DLC1: variants seen among roughly 807,000 people sequenced by gnomAD.
DLC1 encodes the protein rho GTPase-activating protein 7.
DLC1 carries 54 observed loss-of-function variants against 140.3 expected under a neutral mutation model. The ratio of observed to expected loss-of-function variants is 0.38; its 90% CI spans 0.31 to 0.48. The LOEUF is 0.48. DLC1 is among the 20% of genes least tolerant of loss of function. The pLI is 0.96. For missense variants in DLC1, 2,536 were observed against 1,907.0 expected (o/e 1.33, Z -6.14); for synonymous variants, 986 against 728.1 (o/e 1.35, Z -5.70).
At chr8:13,511,981 T>C (rs1802386778) in intron 1 of DLC1, among the ~76,000 whole-genome samples, 1 of 152,148 alleles carries the variant, frequency 6.6e-6, no homozygotes, top group Non-Finnish European at 1.5e-5. Context: ...GTGAGTTATA[T>C]GGTATGGGTA....
At chr8:13,148,578 G>C (rs551442709) in intron 5 of DLC1, among the ~76,000 whole-genome samples, 1 of 152,262 alleles carries the variant, frequency 6.6e-6, no homozygotes, top group Non-Finnish European at 1.5e-5. Flanking sequence ...TCCTGTGTAT[G>C]TGTGTGTGTC....
At chr8:13,508,698 G>A (rs1585223894) in intron 1 of DLC1, among the ~76,000 whole-genome samples, 1 of 152,102 alleles carries the variant, frequency 6.6e-6, no homozygotes, top group African/African-American at 2.4e-5. Context: ...GATTACAGGC[G>A]TGAGCCACCA....
intron 1 of DLC1, among the ~76,000 whole-genome samples, chr8:13,570,294 C>CT (rs112007896): frequency 0.22 from 26,537 of 121,716 alleles, 2,600 homozygotes; most frequent in East Asian, 0.4. Flanking sequence ...TAAATTCTCT[C>CT]TTTTTTTTTT....
intron 5 of DLC1, among the ~76,000 whole-genome samples, chr8:13,267,805 A>G (rs971749397): frequency 6.6e-6 from 1 of 152,008 alleles, no homozygotes; most frequent in African/African-American, 2.4e-5. Flanking sequence ...ACCTGAGCAC[A>G]TAAAGAAAGA....
intron 1 of DLC1, chr8:13,567,133 C>T: frequency 1.0e-5 from 16 of 1,551,728 alleles, no homozygotes; most frequent in Non-Finnish European, 1.4e-5. Context: ...GCAGTCCTCG[C>T]CCCTGACCTC....
intron 5 of DLC1, among the ~76,000 whole-genome samples, chr8:13,285,678 G>A (rs1380179894): frequency 1.3e-5 from 2 of 152,052 alleles, no homozygotes; most frequent in Non-Finnish European, 2.9e-5. Context: ...TGGAGCAACT[G>A]GGATACTTAC....
chr8:13,448,305 C>T (rs983595918), intron 2 of DLC1, among the ~76,000 whole-genome samples: 3 of 151,944 alleles, frequency 2.0e-5, no homozygotes, highest in Admixed American at 6.6e-5. Flanking sequence ...TGGGATTTCC[C>T]AGGACTGAAA....
At chr8:13,227,951 A>G (rs1828871262) in intron 5 of DLC1, among the ~76,000 whole-genome samples, 1 of 152,182 alleles carries the variant, frequency 6.6e-6, no homozygotes, top group African/African-American at 2.4e-5. Context: ...AAGTGTGACA[A>G]GATAGTCTAC....
intron 6 of DLC1, among the ~76,000 whole-genome samples, chr8:13,113,698 T>G (rs914401814): frequency 3.3e-5 from 5 of 152,344 alleles, no homozygotes; most frequent in African/African-American, 1.2e-4. Flanking sequence ...AATAGAATGC[T>G]GGTCCCCCTT....
chr8:13,289,254 T>A (rs1260053999), intron 5 of DLC1, among the ~76,000 whole-genome samples: 1 of 152,192 alleles, frequency 6.6e-6, no homozygotes, highest in East Asian at 1.9e-4. Flanking sequence ...CAGGCTGGCA[T>A]GCAGTGGTGT....
chr8:13,489,850 A>G (rs989876507), intron 2 of DLC1, among the ~76,000 whole-genome samples: 2 of 152,256 alleles, frequency 1.3e-5, no homozygotes, highest in Non-Finnish European at 2.9e-5. Flanking sequence ...ATTTTCAGAT[A>G]TAATAATTCT....
chr8:13,354,490 A>G (rs960552433), intron 4 of DLC1, among the ~76,000 whole-genome samples: 3 of 148,020 alleles, frequency 2.0e-5, no homozygotes, highest in African/African-American at 7.5e-5. Flanking sequence ...ATATTTTAGT[A>G]TGGGCATGGA....
intron 1 of DLC1, among the ~76,000 whole-genome samples, chr8:13,568,575 C>G (rs534580091): frequency 1.1e-5 from 1 of 91,186 alleles, no homozygotes; most frequent in African/African-American, 3.6e-5. Context: ...GATTGTCAAG[C>G]GTTTTTGGAA....
In DLC1 at chr8:13,091,349, T is replaced by C; in HGVS notation, c.3824A>G (p.His1275Arg). 3 of 1,614,194 alleles carry C rather than the reference T, an allele frequency of 1.9e-6. No individual in the cohort carries two copies. The highest frequency in any genetic ancestry group is 1.7e-6 in the Non-Finnish European group (2 of 1,180,034). Residue 1275 changes from histidine (H) to arginine (R), a missense_variant, in exon 14 of 18, where the codon CAT (histidine) becomes CGT (arginine). His to Arg is a conservative substitution (Grantham distance 29, BLOSUM62 0). Transcript: ENST00000276297. ...AAGCTTCTTGCACTCGGCGATCATATGGGCCAGCCCTTGAGTGGCAGCTAG... is the reference window on the plus strand; with the variant it reads ...AAGCTTCTTGCACTCGGCGATCATACGGGCCAGCCCTTGAGTGGCAGCTAG... ...ENLAATQGLA[H>R]MIAECKKLFQ... is the part of the protein sequence containing the mutation.
At chr8:13,470,248 T>G (rs1432509748) in intron 2 of DLC1, among the ~76,000 whole-genome samples, 1 of 152,232 alleles carries the variant, frequency 6.6e-6, no homozygotes, top group Non-Finnish European at 1.5e-5. Flanking sequence ...GGGCTTTTAT[T>G]TTTATCTTTT....
intron 8 of DLC1, 154 bp from the exon 9 acceptor site, chr8:13,100,924 A>G: frequency 5.7e-5 from 39 of 683,400 alleles, no homozygotes; most frequent in South Asian, 6.8e-5. Flanking sequence ...TTTTTTTTTT[A>G]AAAATAGGGT....
At chr8:13,444,270 G>C (rs1239458521) in intron 2 of DLC1, among the ~76,000 whole-genome samples, 1 of 152,070 alleles carries the variant, frequency 6.6e-6, no homozygotes, top group Non-Finnish European at 1.5e-5. Flanking sequence ...TGGACACAGG[G>C]TGGGGAACAT....
At chr8:13,242,603 G>C (rs1220994395) in intron 5 of DLC1, among the ~76,000 whole-genome samples, 4 of 151,982 alleles carry the variant, frequency 2.6e-5, no homozygotes, top group Non-Finnish European at 5.9e-5. Context: ...CGTTTGCCCA[G>C]GCTGATCTTG....
intron 5 of DLC1, among the ~76,000 whole-genome samples, chr8:13,155,320 T>C (rs920365224): frequency 7.9e-5 from 12 of 151,940 alleles, no homozygotes; most frequent in Non-Finnish European, 1.8e-4. Context: ...TGTAGGTTTT[T>C]TATGGTGAGC....
Sources: allele counts gnomAD v4.1 joint callset (sites outside exome capture counted in the v4.1 genomes callset), GRCh38; gene constraint gnomAD v4.1.1; transcripts MANE v1.5; gene names NCBI Gene and HGNC (gene_info 2026-07-23, HGNC 2026-07-21).